Variants in C4orf33 observed in about 807,000 individuals in gnomAD.
C4orf33 encodes UPF0462 protein C4orf33.
In C4orf33, 20 loss-of-function variants were observed where a neutral mutation model predicts 24.3. The ratio of observed to expected loss-of-function variants is 0.82; its 90% confidence interval spans 0.58 to 1.19. The LOEUF (loss-of-function observed/expected upper bound fraction) is 1.19. Ranked by LOEUF, C4orf33 falls within the 50% of genes most tolerant of loss-of-function variation. The probability of loss-of-function intolerance (pLI) is 0.00; values close to 1 mark genes in which losing one functional copy is unlikely to be tolerated. For synonymous variants in C4orf33, 67 were observed against 76.4 expected, an observed-to-expected ratio of 0.88 and a Z score of 0.64; for missense variants, 207 against 225.9, an observed-to-expected ratio of 0.92 and a Z score of 0.54.
rs1336768361 is a variant in C4orf33, at chr4:129,113,083, T to C, written c.*1292T>C. The C allele has an allele frequency of 6.6e-6, 1 of 152,076 alleles. No homozygotes were observed. The highest frequency in any genetic ancestry group is 1.5e-5 in the Non-Finnish European group (1 of 67,972). The allele number at this position is 152,076 out of a possible 1,614,324, so 9.4% of individuals were successfully genotyped here. A position where few individuals can be genotyped will look rare whatever the true frequency, so the allele number is the denominator to read the frequency against. On this transcript the variant is annotated 3_prime_UTR_variant, in exon 6 of 6. Coordinates refer to ENST00000425929, the MANE Select transcript of C4orf33 (RefSeq NM_001099783.2). ...AGAGCATCTTGATTTTAGAAGCGAA[T>C]CGAACACTGTGAATCACAGTTTCAG...
chr4:129,095,733 G>A (rs772513441), upstream of C4orf33, among the ~76,000 whole-genome samples: 6 of 152,204 alleles, frequency 3.9e-5, no homozygotes, highest in Non-Finnish European at 7.4e-5. Flanking sequence ...AAGTGCCTGA[G>A]TTGAGATTTG....
chr4:129,109,909 T>C (rs1753637349), intron 5 of C4orf33: 1 of 1,133,200 alleles, frequency 8.8e-7, no homozygotes, highest in Non-Finnish European at 1.1e-6. Context: ...ATGAGAAAAG[T>C]GTTGTTTGCA....
At chr4:129,099,053 G>A (rs1753280326) in intron 1 of C4orf33, among the ~76,000 whole-genome samples, 1 of 152,174 alleles carries the variant, frequency 6.6e-6, no homozygotes, top group Non-Finnish European at 1.5e-5. Context: ...TTGGTGCTCA[G>A]AAAACAAGCC....
chr4:129,115,831 A>ACATATATATAT lies in C4orf33; in HGVS notation c.*4040_*4041insCATATATATAT, dbSNP rs1561095059. ...ATATATATATATATATATATATATA[A>ACATATATATAT]AATATATATGTTTATATATAACATA... is the stretch of plus-strand genomic sequence containing the variant. On this transcript the variant is annotated 3_prime_UTR_variant, in exon 6 of 6. Coordinates refer to ENST00000425929, the MANE Select transcript of C4orf33 (RefSeq NM_001099783.2). 2.3e-5 allele frequency: 1 copy of ACATATATATAT among 43,734 alleles called. No individual in the cohort carries two copies. The highest frequency in any genetic ancestry group is 5.8e-5 in the African/African-American group (1 of 17,208). The allele number at this position is 43,734 out of a possible 1,614,324, so 2.7% of individuals were successfully genotyped here.
At chr4:129,101,605 A>G (rs1457157262) in intron 1 of C4orf33, among the ~76,000 whole-genome samples, 1 of 152,130 alleles carries the variant, frequency 6.6e-6, no homozygotes, top group African/African-American at 2.4e-5. Context: ...CCTTGGACAA[A>G]TCTGTTCCAT....
chr4:129,109,352 G>A lies in C4orf33; in HGVS notation c.288G>A (p.Val96=), dbSNP rs765085345. The change falls in exon 4 of 6, where the codon GTG becomes GTA. Residue 96 remains valine (V), a synonymous_variant. Coordinates refer to ENST00000425929, the MANE Select transcript of C4orf33 (RefSeq NM_001099783.2). ...LVLLLSGRRN[V]WKQELPLSFR... ...TTTTACTTTCTGGAAGAAGAAATGT[G>A]TGGAAAGTAAGTAAATAAAAATAGG... is the stretch of plus-strand genomic sequence containing the variant. The A allele has an allele frequency of 3.1e-6, 5 of 1,613,782 alleles. No individual in the cohort carries two copies. The South Asian group carries it at 3.3e-5, about 11-fold the overall frequency.
At chr4:129,108,128 G>A (rs1753570889) in intron 3 of C4orf33, among the ~76,000 whole-genome samples, 1 of 152,034 alleles carries the variant, frequency 6.6e-6, no homozygotes, top group African/African-American at 2.4e-5. Context: ...CTCCTAGGAT[G>A]TACTCCTAAG....
rs1189168702 is a variant in C4orf33 at position 129,116,073 on chromosome 4, A to G, written c.*4282A>G. ...AAAAAGAGTTACCTCTGAAGCTAAG[A>G]TGACACATGTATGAGGAATATAGGA... is the stretch of plus-strand genomic sequence containing the variant. On this transcript the variant is annotated 3_prime_UTR_variant, in exon 6 of 6. Transcript: ENST00000425929. 6.6e-6 allele frequency: 1 copy of G among 151,820 alleles called. No individual in the cohort carries two copies. Among genetic ancestry groups the G allele is most frequent in the Non-Finnish European group, 1.5e-5 (1 of 67,936 alleles). The allele number at this position is 151,820 out of a possible 1,614,324, so 9.4% of individuals were successfully genotyped here. A position where few individuals can be genotyped will look rare whatever the true frequency, so the allele number is the denominator to read the frequency against.
chr4:129,097,420 T>C (rs958756208), intron 1 of C4orf33, among the ~76,000 whole-genome samples: 1 of 152,234 alleles, frequency 6.6e-6, no homozygotes, highest in Non-Finnish European at 1.5e-5. Context: ...CACAAGCATA[T>C]ATGCAAATAA....
chr4:129,107,607 A>T (rs1272786867), intron 3 of C4orf33, among the ~76,000 whole-genome samples: 1 of 152,000 alleles, frequency 6.6e-6, no homozygotes, highest in African/African-American at 2.4e-5. Flanking sequence ...CTGTTTTTTA[A>T]GAAGAGTAAT....
Position 129,113,033 on chromosome 4 carries a change from T to C in C4orf33, c.*1242T>C, listed in dbSNP as rs1468890419. ...AATTTTATAAATGCATATAAAACTA[T>C]CAAAATAAAAACAAGATATATTTTA... On this transcript the variant is annotated 3_prime_UTR_variant, in exon 6 of 6. Coordinates refer to ENST00000425929, the MANE Select transcript of C4orf33 (RefSeq NM_001099783.2). 1 of 107,002 alleles carries C rather than the reference T, an allele frequency of 9.3e-6. No homozygotes were observed. Among genetic ancestry groups the C allele is most frequent in the African/African-American group, 2.6e-5 (1 of 38,006 alleles). The allele number at this position is 107,002 out of a possible 1,614,324, so 6.6% of individuals were successfully genotyped here.
Position 129,112,076 on chromosome 4 carries a change from T to A in C4orf33, c.*285T>A. The A allele has an allele frequency of 4.5e-6, 1 of 223,380 alleles. No homozygotes were observed. Among genetic ancestry groups the A allele is most frequent in the Non-Finnish European group, 8.8e-6 (1 of 113,720 alleles). The allele number at this position is 223,380 out of a possible 1,614,324, so 13.8% of individuals were successfully genotyped here. ...TACAGTTATTCTTGAAAACTACAAG[T>A]GAAAAAGGGGGAACAATTGAGGTTG... On this transcript the variant is annotated 3_prime_UTR_variant, in exon 6 of 6. Transcript: ENST00000425929.
rs544789900 is a variant in C4orf33, at chr4:129,099,441, A to G, written c.-9-3161A>G. Among the ~76,000 whole-genome samples the G allele has an allele frequency of 4.3e-4, 66 of 152,334 alleles. No individual in the cohort carries two copies. The Middle Eastern group carries it at 0.01, about 24-fold the overall frequency. On this transcript the variant is annotated intron_variant, in intron 1 of 5. Transcript: ENST00000425929. The stretch of plus-strand genomic sequence containing the variant: ...GATCTGATATGTAGTGTTAAATGAG[A>G]TGATGATACCACGAACACAGTAGAT...
At position 129,103,416 on chromosome 4, in the gene C4orf33, C is replaced by G. The variant is rs540593880; in HGVS notation, c.181+625C>G. Among the ~76,000 whole-genome samples, 15 of 152,200 alleles carry G rather than the reference C, an allele frequency of 9.9e-5. No homozygotes were observed. The South Asian group carries it at 3.1e-3, about 32-fold the overall frequency. On this transcript the variant is annotated intron_variant, in intron 2 of 5. Transcript: ENST00000425929. ...GGATTCCTGTTTTGTATTTAAGTAT[C>G]TTTAAATTACCACTCTAACATTACA...
chr4:129,114,830 T>C lies in C4orf33; in HGVS notation c.*3039T>C, dbSNP rs1235384336. Reference sequence around the variant, plus strand: ...GGGCTACCATGCAGAGCTAGAGTTATAACTATTAATGGAAGCAGTATAGAG... The same window carrying C: ...GGGCTACCATGCAGAGCTAGAGTTACAACTATTAATGGAAGCAGTATAGAG... On this transcript the variant is annotated 3_prime_UTR_variant, in exon 6 of 6. Coordinates refer to ENST00000425929, the MANE Select transcript of C4orf33 (RefSeq NM_001099783.2). 1 of 152,202 alleles carries C rather than the reference T, an allele frequency of 6.6e-6. No homozygotes were observed. Among genetic ancestry groups the C allele is most frequent in the East Asian group, 1.9e-4 (1 of 5,194 alleles). 9.4% of individuals were successfully genotyped at this position (152,202 alleles called of 1,614,324 possible). A position where few individuals can be genotyped will look rare whatever the true frequency, so the allele number is the denominator to read the frequency against.
chr4:129,107,093 A>G (rs1476428728), intron 3 of C4orf33, among the ~76,000 whole-genome samples: 1 of 151,968 alleles, frequency 6.6e-6, no homozygotes, highest in African/African-American at 2.4e-5. Flanking sequence ...GACTAGATGA[A>G]ACTTTAATTT....
In C4orf33 at chr4:129,109,458, A is replaced by G; in HGVS notation, c.295-15A>G. On this transcript the variant is annotated splice_polypyrimidine_tract_variant and intron_variant, in intron 4 of 5. Coordinates refer to ENST00000425929, the MANE Select transcript of C4orf33 (RefSeq NM_001099783.2). ...CCCAATTTTATCTTTTGTGTTTCAC[A>G]TGTTGTTTCTGTAGCAAGAACTTCC... The G allele has an allele frequency of 6.2e-7, 1 of 1,609,876 alleles. No individual in the cohort carries two copies. The highest frequency in any genetic ancestry group is 8.5e-7 in the Non-Finnish European group (1 of 1,176,186).
At chr4:129,096,816 A>G (rs1159652668) in intron 1 of C4orf33, among the ~76,000 whole-genome samples, 1 of 152,224 alleles carries the variant, frequency 6.6e-6, no homozygotes, top group East Asian at 1.9e-4. Flanking sequence ...AATATGCATT[A>G]TGACTTTTCG....
chr4:129,098,664 G>A (rs1753268790), intron 1 of C4orf33, among the ~76,000 whole-genome samples: 1 of 152,198 alleles, frequency 6.6e-6, no homozygotes, highest in Non-Finnish European at 1.5e-5. Context: ...CAGGAAAATG[G>A]CTGCTCCATA....
Sources: gnomAD v4.1 joint callset for allele counts (sites outside exome capture counted in the v4.1 genomes callset) on GRCh38, gnomAD v4.1.1 for gene constraint, MANE v1.5 for transcripts, NCBI Gene and HGNC (gene_info 2026-07-23, HGNC 2026-07-21) for gene names.